Variants in RASA2 observed in about 807,000 individuals in gnomAD.
The protein encoded by RASA2 is RAS p21 protein activator 2.
RASA2 carries 155 observed loss-of-function variants against 118.2 expected under a neutral mutation model. The ratio of observed to expected loss-of-function variants is 1.31; its 90% CI spans 1.15 to 1.50. The LOEUF (loss-of-function observed/expected upper bound fraction) is 1.50. Ranked by LOEUF, RASA2 falls within the 40% of genes most tolerant of loss-of-function variation. RASA2 has a pLI of 0.00. For synonymous variants in RASA2, 353 were observed against 349.1 expected, an observed-to-expected ratio of 1.01 and a Z score of -0.12; for missense variants, 1,016 against 1,009.6, an observed-to-expected ratio of 1.01 and a Z score of -0.09.
chr3:141,554,024 GATAA>G (rs1477435723), intron 6 of RASA2, 84 bp downstream of exon 6: 9 of 1,505,748 alleles, frequency 6.0e-6, no homozygotes, highest in Admixed American at 2.2e-5. Flanking sequence ...ACGAGCAAAT[GATAA>G]ATAGCTATTT....
chr3:141,542,050 G>T (rs2082412899), intron 5 of RASA2, among the ~76,000 whole-genome samples: 1 of 151,192 alleles, frequency 6.6e-6, no homozygotes, highest in Non-Finnish European at 1.5e-5. Context: ...GGGTTTTTTT[G>T]TGCCCCTTCC....
chr3:141,570,836 A>G (rs1005319156), intron 9 of RASA2, 76 bp from the exon 10 acceptor site: 58 of 1,410,028 alleles, frequency 4.1e-5, no homozygotes, highest in Middle Eastern at 3.6e-4. Flanking sequence ...TAGTTTTTTT[A>G]TAACTTAACT....
intron 14 of RASA2, among the ~76,000 whole-genome samples, chr3:141,574,329 A>G (rs2082974388): frequency 6.6e-6 from 1 of 151,928 alleles, no homozygotes; most frequent in Non-Finnish European, 1.5e-5. Flanking sequence ...AGCTGGGACT[A>G]CAGGCGCCCG....
intron 19 of RASA2, among the ~76,000 whole-genome samples, chr3:141,592,486 T>G (rs911731404): frequency 6.6e-6 from 1 of 152,120 alleles, no homozygotes; most frequent in African/African-American, 2.4e-5. Flanking sequence ...GGAAAGACAT[T>G]GGAGAGGTTT....
chr3:141,519,173 G>T (rs966252940), intron 3 of RASA2, among the ~76,000 whole-genome samples: 1 of 152,014 alleles, frequency 6.6e-6, no homozygotes, highest in Admixed American at 6.5e-5. Flanking sequence ...GCCCCACAGA[G>T]TATCATACTA....
At chr3:141,491,222 C>G (rs1230985618) in intron 1 of RASA2, among the ~76,000 whole-genome samples, 1 of 152,086 alleles carries the variant, frequency 6.6e-6, no homozygotes, top group Non-Finnish European at 1.5e-5. Context: ...TTGGGATTGT[C>G]TTTCTTCTTT....
At chr3:141,499,850 A>G (rs992074026) in intron 1 of RASA2, among the ~76,000 whole-genome samples, 5 of 152,036 alleles carry the variant, frequency 3.3e-5, no homozygotes, top group Non-Finnish European at 7.4e-5. Flanking sequence ...CGGCCTCCCA[A>G]AGTGCTGGGA....
chr3:141,575,154 T>A (rs1331324554), intron 14 of RASA2, among the ~76,000 whole-genome samples: 1 of 152,300 alleles, frequency 6.6e-6, no homozygotes, highest in Middle Eastern at 3.4e-3. Context: ...TAACCAGCTG[T>A]GCAAAACTGT....
intron 12 of RASA2, 104 bp downstream of exon 12, chr3:141,572,827 G>GA (rs957331598): frequency 5.3e-6 from 5 of 936,592 alleles, no homozygotes; most frequent in East Asian, 5.3e-5. Context: ...ATGTGTTACT[G>GA]AAAAAATAGA....
chr3:141,493,291 G>A (rs937167644), intron 1 of RASA2, among the ~76,000 whole-genome samples: 18 of 152,168 alleles, frequency 1.2e-4, no homozygotes, highest in African/African-American at 4.3e-4. Context: ...TCCTTCTTAA[G>A]AACTTTGTGA....
intron 1 of RASA2, 44 bp from the exon 2 acceptor site, chr3:141,512,119 C>A: frequency 1.5e-6 from 2 of 1,302,518 alleles, no homozygotes; most frequent in Non-Finnish European, 2.2e-6. Context: ...TAGTATGAAG[C>A]AGTTGATGAT....
intron 19 of RASA2, among the ~76,000 whole-genome samples, chr3:141,596,975 G>C (rs561194566): frequency 2.0e-5 from 3 of 152,158 alleles, no homozygotes; most frequent in African/African-American, 7.2e-5. Flanking sequence ...GAAAACATAT[G>C]CCCACACAAA....
At chr3:141,555,659 T>C (rs1577728527) in intron 6 of RASA2, among the ~76,000 whole-genome samples, 181 bp from the exon 7 acceptor site, 1 of 151,864 alleles carries the variant, frequency 6.6e-6, no homozygotes. Flanking sequence ...CTAAAGCTTA[T>C]ATATTCTTTG....
At chr3:141,520,660 A>ATG (rs1287450754) in intron 3 of RASA2, among the ~76,000 whole-genome samples, 1 of 149,852 alleles carries the variant, frequency 6.7e-6, no homozygotes, top group Non-Finnish European at 1.5e-5. Flanking sequence ...ATATATATGC[A>ATG]CACACATATA....
rs1577623497 is a variant in RASA2 at position 141,487,122 on chromosome 3, C to G, written c.39C>G (p.Ser13=). 6 of 1,429,254 alleles carry G rather than the reference C, an allele frequency of 4.2e-6. No individual in the cohort carries two copies. The East Asian group carries it at 9.3e-5, about 22-fold the overall frequency. The allele number at this position is 1,429,254 out of a possible 1,614,324, so 88.5% of individuals were successfully genotyped here. A position where few individuals can be genotyped will look rare whatever the true frequency, so the allele number is the denominator to read the frequency against. Residue 13 remains serine (S), a synonymous_variant, in exon 1 of 24, where the codon TCC becomes TCG. Coordinates refer to ENST00000286364, the MANE Select transcript of RASA2 (RefSeq NM_006506.5). ...CGCCTGCTGCTGCGGCGGCTTCTTC[C>G]GAGGCGCCAGCGGCGAGTGCGACTG... ...AAAPAAAAAS[S]EAPAASATAE... is the part of the protein sequence containing the mutation.
rs1172925337 is a variant in RASA2 at position 141,612,837 on chromosome 3, C to T, written c.*524C>T. The T allele has an allele frequency of 2.0e-5, 3 of 152,280 alleles. No individual in the cohort carries two copies. The highest frequency in any genetic ancestry group is 7.2e-5 in the African/African-American group (3 of 41,434). 9.4% of individuals were successfully genotyped at this position (152,280 alleles called of 1,614,324 possible). ...TTGGTCCATCAGTCATTACAGGTTCCATTCAAGACAGTGATAGAAACTTTA... is the reference window on the plus strand; with the variant it reads ...TTGGTCCATCAGTCATTACAGGTTCTATTCAAGACAGTGATAGAAACTTTA... On this transcript the variant is annotated 3_prime_UTR_variant, in exon 24 of 24. Transcript: ENST00000286364.
At chr3:141,502,101 G>A (rs569107949) in intron 1 of RASA2, among the ~76,000 whole-genome samples, 26 of 152,258 alleles carry the variant, frequency 1.7e-4, no homozygotes, top group Admixed American at 6.5e-4. Context: ...CAACTGGTAA[G>A]TATATATAAT....
At chr3:141,503,661 T>C (rs1446926296) in intron 1 of RASA2, among the ~76,000 whole-genome samples, 5 of 152,194 alleles carry the variant, frequency 3.3e-5, no homozygotes, top group East Asian at 1.9e-4. Context: ...CCCATACTTA[T>C]TAGTATTAGG....
intron 1 of RASA2, among the ~76,000 whole-genome samples, chr3:141,505,748 ATATT>A (rs1205552501): frequency 4.6e-5 from 7 of 150,980 alleles, no homozygotes; most frequent in African/African-American, 1.7e-4. Context: ...TGTTTTATTT[ATATT>A]TATTTATACG....
Sources: gnomAD v4.1 joint callset for allele counts (sites outside exome capture counted in the v4.1 genomes callset) on GRCh38, gnomAD v4.1.1 for gene constraint, MANE v1.5 for transcripts, NCBI Gene and HGNC (gene_info 2026-07-23, HGNC 2026-07-21) for gene names.